Variants in PRTG observed in about 807,000 individuals in gnomAD.
PRTG encodes protogenin, also known as immunoglobulin superfamily, DCC subclass, member 5.
A neutral mutation model predicts 122.5 loss-of-function variants in PRTG; 67 were observed. The observed-to-expected ratio is 0.55, with a 90% CI of 0.45 to 0.67. PRTG has a LOEUF of 0.67. Ranked by LOEUF, PRTG falls within the 30% of genes least tolerant of loss-of-function variation. The pLI is 0.00. For missense variants in PRTG, 1,435 were observed against 1,415.4 expected (o/e 1.01, Z -0.22); for synonymous variants, 554 against 501.1 (o/e 1.11, Z -1.41).
chr15:55,727,891 CAG>C (rs2031092373), intron 2 of PRTG, among the ~76,000 whole-genome samples: 1 of 152,162 alleles, frequency 6.6e-6, no homozygotes, highest in Admixed American at 6.5e-5. Context: ...TATTTAGAGA[CAG>C]AGTCTCTGTC....
chr15:55,650,060 T>A (rs971918829), intron 11 of PRTG, among the ~76,000 whole-genome samples: 4 of 152,174 alleles, frequency 2.6e-5, no homozygotes, highest in African/African-American at 7.2e-5. Context: ...TGACTAAATT[T>A]AAGGGAGAAA....
intron 2 of PRTG, among the ~76,000 whole-genome samples, chr15:55,722,014 C>G (rs146833601): frequency 2.6e-5 from 4 of 152,190 alleles, no homozygotes; most frequent in Non-Finnish European, 5.9e-5. Context: ...CACTCCCTAA[C>G]TGCCCCTTCC....
chr15:55,656,182 A>G (rs1274858276), intron 11 of PRTG: 2 of 287,266 alleles, frequency 7.0e-6, no homozygotes, highest in East Asian at 9.8e-5. Flanking sequence ...AATGTTCTTT[A>G]TAACTGCTTT....
chr15:55,624,167 C>G (rs1393155668), intron 18 of PRTG, among the ~76,000 whole-genome samples, 175 bp downstream of exon 18: 1 of 150,452 alleles, frequency 6.6e-6, no homozygotes, highest in Admixed American at 6.7e-5. Context: ...CTATCCTCAC[C>G]TTTTTCCCCC....
intron 11 of PRTG, among the ~76,000 whole-genome samples, chr15:55,649,421 T>G (rs1020372242): frequency 2.8e-4 from 2 of 7,018 alleles, no homozygotes; most frequent in African/African-American, 3.0e-4. Context: ...GGAAAATAAT[T>G]TAATTCCATG....
chr15:55,696,716 C>T (rs2059633826), intron 2 of PRTG, among the ~76,000 whole-genome samples: 1 of 152,178 alleles, frequency 6.6e-6, no homozygotes, highest in Non-Finnish European at 1.5e-5. Flanking sequence ...GTGTCAACTC[C>T]TCTGTACAAC....
rs575784422 is a variant in PRTG, at chr15:55,619,413, C to T, written c.*599G>A. ...TCATAGTTTCTTTTTTTAAAAAAAT[C>T]AGAGCTTCAGATAAACATTCTTACT... is the stretch of plus-strand genomic sequence containing the variant. On this transcript the variant is annotated 3_prime_UTR_variant, in exon 20 of 20. Coordinates refer to ENST00000389286, the MANE Select transcript of PRTG (RefSeq NM_173814.6). 1 of 152,772 alleles carries T rather than the reference C, an allele frequency of 6.5e-6. No homozygotes were observed. The highest frequency in any genetic ancestry group is 1.9e-4 in the East Asian group (1 of 5,188). 9.5% of individuals were successfully genotyped at this position (152,772 alleles called of 1,614,324 possible). A position where few individuals can be genotyped will look rare whatever the true frequency, so the allele number is the denominator to read the frequency against.
intron 2 of PRTG, among the ~76,000 whole-genome samples, chr15:55,689,461 GT>G (rs2059588232): frequency 6.6e-6 from 1 of 152,102 alleles, no homozygotes; most frequent in South Asian, 2.1e-4. Context: ...AGACTTGTTA[GT>G]GAGCGTTTGC....
chr15:55,688,666 T>A (rs1281008732), intron 2 of PRTG, among the ~76,000 whole-genome samples: 1 of 152,104 alleles, frequency 6.6e-6, no homozygotes. Context: ...AAACCATGCC[T>A]CTACTAAAAA....
At chr15:55,659,481 C>A (rs2059397630) in intron 11 of PRTG, among the ~76,000 whole-genome samples, 1 of 152,120 alleles carries the variant, frequency 6.6e-6, no homozygotes, top group South Asian at 2.1e-4. Context: ...CAGACCCCCA[C>A]CCTCAAACTA....
intron 11 of PRTG, among the ~76,000 whole-genome samples, chr15:55,671,378 A>G (rs2059470326): frequency 6.6e-6 from 1 of 152,250 alleles, no homozygotes; most frequent in Non-Finnish European, 1.5e-5. Flanking sequence ...CATCATAATC[A>G]AAGGGACTGC....
At chr15:55,650,890 C>A (rs1323500989) in intron 11 of PRTG, among the ~76,000 whole-genome samples, 4 of 152,000 alleles carry the variant, frequency 2.6e-5, no homozygotes, top group East Asian at 1.9e-4. Flanking sequence ...TTGCTTGAGC[C>A]CAGGAGGCAG....
Position 55,682,308 on chromosome 15 carries a change from G to A in PRTG, c.676+56C>T, listed in dbSNP as rs182328738. On this transcript the variant is annotated intron_variant, in intron 4 of 19. Transcript: ENST00000389286. ...ACATTATTACAGCAGAGGAGAAGAA[G>A]TAACAACTGCGCCAATAAAACGTCA... The A allele has an allele frequency of 2.4e-4, 331 of 1,408,274 alleles. 1 individual carries two copies. The highest frequency in any genetic ancestry group is 3.0e-5 in the Non-Finnish European group (32 of 1,059,282). The allele number at this position is 1,408,274 out of a possible 1,614,324, so 87.2% of individuals were successfully genotyped here.
chr15:55,702,527 T>C (rs2029931048), intron 2 of PRTG, among the ~76,000 whole-genome samples: 1 of 152,206 alleles, frequency 6.6e-6, no homozygotes, highest in Non-Finnish European at 1.5e-5. Context: ...TAGTATAATG[T>C]GTACATAGTA....
intron 11 of PRTG, among the ~76,000 whole-genome samples, chr15:55,667,168 C>T (rs1464899645): frequency 6.8e-6 from 1 of 147,762 alleles, no homozygotes. Flanking sequence ...AAGTATTTTA[C>T]AATGGCAGGA....
At chr15:55,742,525 G>C (rs1356480253) in intron 1 of PRTG, 7 of 305,778 alleles carry the variant, frequency 2.3e-5, no homozygotes, top group Non-Finnish European at 4.2e-5. Flanking sequence ...CGGGACAATG[G>C]CGCGAGAAGG....
At chr15:55,624,190 G>T in intron 18 of PRTG, 152 bp downstream of exon 18, 1 of 611,324 alleles carries the variant, frequency 1.6e-6, no homozygotes, top group South Asian at 3.2e-5. Flanking sequence ...AATATTTTAT[G>T]TAAGGAATGA....
chr15:55,638,664 G>A lies in PRTG; in HGVS notation c.2337C>T (p.His779=), dbSNP rs759544097. 82 of 1,612,496 alleles carry A rather than the reference G, an allele frequency of 5.1e-5. No individual in the cohort carries two copies. Among genetic ancestry groups the A allele is most frequent in the East Asian group, 6.7e-5 (3 of 44,820 alleles). ...LVLYLQTSET[H]MLVQGLEPNT... ...TTGGTTCTAGACCTTGAACCAACAT[G>A]TGAGTTTCTGATCTATAATAACGAG... Residue 779 remains histidine (H), a synonymous_variant, in exon 14 of 20, where the codon CAC becomes CAT. Coordinates refer to ENST00000389286, the MANE Select transcript of PRTG (RefSeq NM_173814.6).
chr15:55,720,370 A>G (rs2030768495), intron 2 of PRTG, among the ~76,000 whole-genome samples: 4 of 152,190 alleles, frequency 2.6e-5, no homozygotes, highest in African/African-American at 9.7e-5. Context: ...AAAACAAAAC[A>G]AAACAAAATA....
Sources: allele counts gnomAD v4.1 joint callset (sites outside exome capture counted in the v4.1 genomes callset), GRCh38; gene constraint gnomAD v4.1.1; transcripts MANE v1.5; gene names NCBI Gene and HGNC (gene_info 2026-07-23, HGNC 2026-07-21).